DLGAP1: variants seen among roughly 807,000 people sequenced by gnomAD.
The protein encoded by DLGAP1 is DLG associated protein 1.
A neutral mutation model predicts 90.8 loss-of-function variants in DLGAP1; 11 were observed. The ratio of observed to expected loss-of-function variants is 0.12; its 90% CI spans 0.08 to 0.20. The LOEUF is 0.20. DLGAP1 is among the 10% of genes least tolerant of loss of function. The probability of loss-of-function intolerance (pLI) is 1.00; values close to 1 mark genes in which losing one functional copy is unlikely to be tolerated. For synonymous variants in DLGAP1, 558 were observed against 540.7 expected (o/e 1.03, Z -0.44); for missense variants, 1,050 against 1,333.8 (o/e 0.79, Z 3.31).
intron 3 of DLGAP1, among the ~76,000 whole-genome samples, chr18:3,929,624 G>A (rs2072471930): frequency 6.6e-6 from 1 of 152,136 alleles, no homozygotes; most frequent in Non-Finnish European, 1.5e-5. Context: ...GTACAGAAAG[G>A]GCTCTATAGA....
intron 2 of DLGAP1, among the ~76,000 whole-genome samples, chr18:4,023,305 T>C (rs928651013): frequency 6.6e-6 from 1 of 152,170 alleles, no homozygotes; most frequent in African/African-American, 2.4e-5. Context: ...AAATGTACCA[T>C]ATGGACAGTC....
chr18:3,589,969 G>A, intron 7 of DLGAP1, among the ~76,000 whole-genome samples: 1 of 152,212 alleles, frequency 6.6e-6, no homozygotes, highest in Non-Finnish European at 1.5e-5. Flanking sequence ...GGAGCGCAAT[G>A]GCACCGTCTC....
chr18:4,179,497 G>C (rs2077171302), intron 1 of DLGAP1, among the ~76,000 whole-genome samples: 1 of 152,044 alleles, frequency 6.6e-6, no homozygotes, highest in Non-Finnish European at 1.5e-5. Flanking sequence ...AGTGCCTATT[G>C]AGTACCACGC....
intron 1 of DLGAP1, among the ~76,000 whole-genome samples, chr18:4,257,136 G>A (rs1351833879): frequency 2.6e-5 from 4 of 152,230 alleles, no homozygotes; most frequent in Non-Finnish European, 5.9e-5. Flanking sequence ...TGATAATTGT[G>A]TAAACCACTA....
At chr18:4,381,079 T>C (rs2082105966) in intron 1 of DLGAP1, among the ~76,000 whole-genome samples, 1 of 151,972 alleles carries the variant, frequency 6.6e-6, no homozygotes, top group Non-Finnish European at 1.5e-5. Flanking sequence ...ATCACCCAGG[T>C]GGTTAACACT....
chr18:3,704,876 A>G (rs1448818285), intron 7 of DLGAP1, among the ~76,000 whole-genome samples: 1 of 152,226 alleles, frequency 6.6e-6, no homozygotes, highest in Non-Finnish European at 1.5e-5. Context: ...CACCTTTATG[A>G]TTCCATAATA....
intron 1 of DLGAP1, among the ~76,000 whole-genome samples, chr18:4,431,762 A>G (rs780840733): frequency 1.3e-4 from 20 of 152,184 alleles, no homozygotes; most frequent in Non-Finnish European, 2.6e-4. Context: ...TGATCAAGAC[A>G]CTCTGAATTT....
intron 1 of DLGAP1, among the ~76,000 whole-genome samples, chr18:4,372,309 C>T (rs2081933439): frequency 6.6e-6 from 1 of 152,178 alleles, no homozygotes; most frequent in Non-Finnish European, 1.5e-5. Context: ...TTCAACAAGC[C>T]TTTACCTTGT....
intron 3 of DLGAP1, among the ~76,000 whole-genome samples, chr18:3,928,220 CA>C (rs1457315693): frequency 6.6e-6 from 1 of 152,214 alleles, no homozygotes; most frequent in Non-Finnish European, 1.5e-5. Context: ...CTGACTACAA[CA>C]ACACACTTGT....
intron 3 of DLGAP1, among the ~76,000 whole-genome samples, chr18:3,904,429 T>C (rs191199973): frequency 6.6e-6 from 1 of 152,332 alleles, no homozygotes; most frequent in Admixed American, 6.5e-5. Flanking sequence ...ATTTTAGAAG[T>C]TGGGTTTATT....
chr18:3,611,659 T>C (rs558111014), intron 7 of DLGAP1, among the ~76,000 whole-genome samples: 2 of 152,280 alleles, frequency 1.3e-5, no homozygotes, highest in African/African-American at 4.8e-5. Flanking sequence ...TTACCACGCG[T>C]TTCTCAGGGC....
At chr18:4,049,825 T>C (rs1192472925) in intron 2 of DLGAP1, among the ~76,000 whole-genome samples, 1 of 152,124 alleles carries the variant, frequency 6.6e-6, no homozygotes, top group Admixed American at 6.5e-5. Context: ...TTTCCATCCA[T>C]CCATCCATCC....
chr18:4,372,511 T>C (rs1208775545), intron 1 of DLGAP1, among the ~76,000 whole-genome samples: 3 of 152,240 alleles, frequency 2.0e-5, no homozygotes, highest in African/African-American at 7.2e-5. Context: ...TCACTACTCC[T>C]GACTGGAAGT....
intron 1 of DLGAP1, among the ~76,000 whole-genome samples, chr18:4,254,337 C>T (rs184031168): frequency 2.6e-4 from 39 of 152,248 alleles, no homozygotes; most frequent in Admixed American, 2.2e-3. Flanking sequence ...ATGGACCAAC[C>T]GGTCCAATCT....
At chr18:3,815,361 G>A (rs1369615469) in intron 4 of DLGAP1, among the ~76,000 whole-genome samples, 1 of 146,220 alleles carries the variant, frequency 6.8e-6, no homozygotes, top group African/African-American at 2.6e-5. Flanking sequence ...ATCTCCTAAT[G>A]GAAGATAATG....
chr18:3,645,342 A>T (rs762639651), intron 7 of DLGAP1, among the ~76,000 whole-genome samples: 9 of 151,242 alleles, frequency 6.0e-5, no homozygotes, highest in Non-Finnish European at 8.8e-5. Flanking sequence ...GAATATATAT[A>T]TATTTTTTTA....
intron 7 of DLGAP1, among the ~76,000 whole-genome samples, chr18:3,682,127 A>AAT (rs1555627044): frequency 3.5e-5 from 4 of 113,774 alleles, no homozygotes; most frequent in African/African-American, 1.1e-4. Context: ...AAAAAAAAAA[A>AAT]AAATAAAAAA....
chr18:4,386,104 A>G (rs1447328748), intron 1 of DLGAP1, among the ~76,000 whole-genome samples: 1 of 152,036 alleles, frequency 6.6e-6, no homozygotes, highest in Non-Finnish European at 1.5e-5. Flanking sequence ...GTGACAAGGG[A>G]TTGCTGGGGG....
At chr18:4,427,638 C>A (rs1412648542) in intron 1 of DLGAP1, among the ~76,000 whole-genome samples, 1 of 152,126 alleles carries the variant, frequency 6.6e-6, no homozygotes, top group Admixed American at 6.5e-5. Context: ...GACAAATCAA[C>A]AAAGGCAGTG....
Sources: gnomAD v4.1 joint callset for allele counts (sites outside exome capture counted in the v4.1 genomes callset) on GRCh38, gnomAD v4.1.1 for gene constraint, MANE v1.5 for transcripts, NCBI Gene and HGNC (gene_info 2026-07-23, HGNC 2026-07-21) for gene names.